Variants in CPQ observed in about 807,000 individuals in gnomAD.
CPQ encodes carboxypeptidase Q, also known as Ser-Met dipeptidase.
CPQ carries 37 observed loss-of-function variants against 45.7 expected under a neutral mutation model. That is an observed-to-expected ratio of 0.81 (90% CI 0.62 to 1.07). CPQ has a LOEUF of 1.07. CPQ is among the 50% of genes least tolerant of loss of function. The probability of loss-of-function intolerance (pLI) is 0.00; values close to 1 mark genes in which losing one functional copy is unlikely to be tolerated. For synonymous variants in CPQ, 186 were observed against 205.8 expected (o/e 0.90, Z 0.82); for missense variants, 537 against 572.9 (o/e 0.94, Z 0.64).
chr8:97,070,515 T>C (rs938823011), intron 7 of CPQ, among the ~76,000 whole-genome samples: 2 of 152,140 alleles, frequency 1.3e-5, no homozygotes, highest in African/African-American at 4.8e-5. Context: ...ATAATTATTG[T>C]CTAGACAAGC....
At chr8:96,925,493 G>A (rs1030844395) in intron 4 of CPQ, among the ~76,000 whole-genome samples, 6 of 150,814 alleles carry the variant, frequency 4.0e-5, no homozygotes, top group Non-Finnish European at 8.8e-5. Flanking sequence ...AGCGATTCTC[G>A]TGTCTCAGCC....
intron 1 of CPQ, 98 bp downstream of exon 1, chr8:96,645,500 A>G: frequency 6.6e-6 from 1 of 152,646 alleles, no homozygotes; most frequent in Non-Finnish European, 1.5e-5. Context: ...GGAGCAGGCC[A>G]GGGGCGGGGG....
In CPQ at chr8:96,910,076, A is replaced by T. The variant is rs151178427; in HGVS notation, c.849+30071A>T. ...TTAGTGTCAGTTCTCTTTATCCATGACAGGAGACATGATGCTTCTTATGAA... is the reference window on the plus strand; with the variant it reads ...TTAGTGTCAGTTCTCTTTATCCATGTCAGGAGACATGATGCTTCTTATGAA... On this transcript the variant is annotated intron_variant, in intron 4 of 7. Coordinates refer to ENST00000220763, the MANE Select transcript of CPQ (RefSeq NM_016134.4). Among the ~76,000 whole-genome samples the T allele has an allele frequency of 2.3e-3, 346 of 152,276 alleles. 1 individual carries two copies. Among genetic ancestry groups the T allele is most frequent in the African/African-American group, 7.8e-3 (326 of 41,564 alleles).
intron 5 of CPQ, among the ~76,000 whole-genome samples, chr8:96,968,169 T>A (rs573483291): frequency 6.6e-6 from 1 of 152,306 alleles, no homozygotes; most frequent in Non-Finnish European, 1.5e-5. Context: ...AAAATATCCT[T>A]TCCCTTTACT....
intron 1 of CPQ, among the ~76,000 whole-genome samples, chr8:96,725,811 A>G (rs1031502377): frequency 5.3e-5 from 8 of 152,244 alleles, no homozygotes; most frequent in Non-Finnish European, 1.5e-5. Flanking sequence ...ACTATTCACA[A>G]TAGCAAAGAC....
At chr8:96,966,456 A>C (rs1241703459) in intron 5 of CPQ, among the ~76,000 whole-genome samples, 1 of 152,250 alleles carries the variant, frequency 6.6e-6, no homozygotes, top group East Asian at 1.9e-4. Flanking sequence ...ATAGAAATAA[A>C]AGAGTAACCT....
At chr8:97,070,145 T>A (rs576179798) in intron 7 of CPQ, among the ~76,000 whole-genome samples, 7 of 152,224 alleles carry the variant, frequency 4.6e-5, no homozygotes, top group Non-Finnish European at 8.8e-5. Context: ...CCTTCTCCCA[T>A]GTCCACCTCC....
At chr8:96,898,930 A>G (rs1812479401) in intron 4 of CPQ, among the ~76,000 whole-genome samples, 1 of 152,094 alleles carries the variant, frequency 6.6e-6, no homozygotes, top group Non-Finnish European at 1.5e-5. Context: ...TTTAATTAAT[A>G]GAGTTATGGA....
At chr8:96,709,780 T>C (rs1809583185) in intron 1 of CPQ, among the ~76,000 whole-genome samples, 2 of 152,202 alleles carry the variant, frequency 1.3e-5, no homozygotes, top group African/African-American at 4.8e-5. Context: ...TGGATTCGAT[T>C]TGCTAGTACT....
chr8:96,665,689 A>G (rs1029724440), intron 1 of CPQ, among the ~76,000 whole-genome samples: 2 of 152,182 alleles, frequency 1.3e-5, no homozygotes, highest in Admixed American at 1.3e-4. Context: ...CTGGCTCTCC[A>G]GGGTTCAAAT....
intron 7 of CPQ, among the ~76,000 whole-genome samples, chr8:97,083,445 T>C (rs1480814477): frequency 6.6e-6 from 1 of 152,168 alleles, no homozygotes; most frequent in Admixed American, 6.6e-5. Context: ...GCTACTAGCA[T>C]ACACTATAAC....
At chr8:97,006,982 T>C (rs1809395991) in intron 5 of CPQ, among the ~76,000 whole-genome samples, 1 of 152,086 alleles carries the variant, frequency 6.6e-6, no homozygotes, top group Admixed American at 6.5e-5. Flanking sequence ...CACTGCAAAA[T>C]AGCAGGAAAG....
chr8:96,758,333 T>C (rs1159137794), intron 1 of CPQ, among the ~76,000 whole-genome samples: 1 of 152,190 alleles, frequency 6.6e-6, no homozygotes, highest in East Asian at 1.9e-4. Context: ...GTAAACTCTA[T>C]GGGTAATCAA....
intron 1 of CPQ, among the ~76,000 whole-genome samples, chr8:96,748,905 T>C (rs915901065): frequency 2.6e-5 from 4 of 152,284 alleles, no homozygotes; most frequent in East Asian, 3.9e-4. Context: ...GCTTCTCCTC[T>C]TAAAGAATTC....
rs543786515 is a variant in CPQ, at chr8:96,991,706, T to A, written c.961+25660T>A. Among the ~76,000 whole-genome samples the A allele has an allele frequency of 3.3e-5, 5 of 152,286 alleles. No individual in the cohort carries two copies. The South Asian group carries it at 1.0e-3, about 32-fold the overall frequency. ...TCTATGTGTATCTTGTTTAACACTG[T>A]ATCCCCAGAACCCTAGTAGGACATG... On this transcript the variant is annotated intron_variant, in intron 5 of 7. Transcript: ENST00000220763.
chr8:96,789,841 G>A (rs1810823594), intron 2 of CPQ, among the ~76,000 whole-genome samples: 1 of 152,168 alleles, frequency 6.6e-6, no homozygotes, highest in African/African-American at 2.4e-5. Flanking sequence ...GCCCTTTGTT[G>A]ACGGATCTGT....
intron 4 of CPQ, among the ~76,000 whole-genome samples, chr8:96,948,421 T>C (rs1175496903): frequency 2.0e-5 from 3 of 152,170 alleles, no homozygotes; most frequent in African/African-American, 7.2e-5. Context: ...TAAAAGTGTG[T>C]TCTTTAATTT....
At chr8:96,983,472 TGA>T (rs773562688) in intron 5 of CPQ, among the ~76,000 whole-genome samples, 4 of 152,176 alleles carry the variant, frequency 2.6e-5, no homozygotes, top group Admixed American at 6.5e-5. Flanking sequence ...TGTTATTTAT[TGA>T]GAGTTAACTT....
intron 7 of CPQ, among the ~76,000 whole-genome samples, chr8:97,080,890 A>C (rs764448992): frequency 1.0e-5 from 1 of 97,780 alleles, no homozygotes; most frequent in Non-Finnish European, 2.5e-5. Context: ...GTGTGTCCTC[A>C]GTATTCTTAG....
Sources: allele counts gnomAD v4.1 joint callset (sites outside exome capture counted in the v4.1 genomes callset), GRCh38; gene constraint gnomAD v4.1.1; transcripts MANE v1.5; gene names NCBI Gene and HGNC (gene_info 2026-07-23, HGNC 2026-07-21).